Variants in GREB1 observed in about 807,000 individuals in gnomAD.
GREB1 encodes protein GREB1.
GREB1 carries 106 observed loss-of-function variants against 200.7 expected under a neutral mutation model. The observed-to-expected ratio is 0.53, with a 90% CI of 0.45 to 0.62. GREB1 has a LOEUF of 0.62. GREB1 is among the 20% of genes least tolerant of loss of function. The pLI is 0.00. For synonymous variants in GREB1, 1,132 were observed against 1,092.4 expected (o/e 1.04, Z -0.72); for missense variants, 2,243 against 2,556.8 (o/e 0.88, Z 2.65).
At chr2:11,620,826 C>G in intron 22 of GREB1, 79 bp from the exon 23 acceptor site, 1 of 783,130 alleles carries the variant, frequency 1.3e-6, no homozygotes, top group South Asian at 1.5e-5. Context: ...ATGTCAGGAG[C>G]CATGCCAGGT....
At chr2:11,599,332 CT>C (rs796915838) in intron 15 of GREB1, among the ~76,000 whole-genome samples, 4,770 of 135,108 alleles carry the variant, frequency 0.035, 225 homozygotes, top group African/African-American at 0.11. Context: ...GCCTGCCCTT[CT>C]TTTTTTTTTT....
chr2:11,615,190 C>A lies in GREB1; in HGVS notation c.3222C>A (p.Asn1074Lys). 6.2e-7 allele frequency: 1 copy of A among 1,614,064 alleles called. No individual in the cohort carries two copies. Among genetic ancestry groups the A allele is most frequent in the Non-Finnish European group, 8.5e-7 (1 of 1,179,994 alleles). ...GCCTGGCTGCCTACTTTGTGAGCAACGAGGTTCCCTTGGAGAAGGGGGCTA... is the reference window on the plus strand; with the variant it reads ...GCCTGGCTGCCTACTTTGTGAGCAAAGAGGTTCCCTTGGAGAAGGGGGCTA... ...ELGLAAYFVS[N>K]EVPLEKGARN... The change falls in exon 20 of 33, where the codon AAC (asparagine) becomes AAA (lysine). Residue 1074 changes from asparagine to lysine, a missense_variant. Asn to Lys is a moderately conservative substitution (Grantham distance 94). Transcript: ENST00000381486.
chr2:11,579,351 T>C (rs1679222382), intron 6 of GREB1, among the ~76,000 whole-genome samples: 2 of 152,240 alleles, frequency 1.3e-5, no homozygotes. Flanking sequence ...GCTGAGTGAT[T>C]TGGGGCAACT....
intron 11 of GREB1, among the ~76,000 whole-genome samples, chr2:11,595,044 C>G (rs1372804423): frequency 6.8e-6 from 1 of 147,766 alleles, no homozygotes; most frequent in Admixed American, 6.9e-5. Flanking sequence ...GTGGGACTTG[C>G]AGTAGTAGAC....
intron 14 of GREB1, 33 bp downstream of exon 14, chr2:11,598,011 G>A: frequency 2.0e-6 from 3 of 1,522,584 alleles, no homozygotes; most frequent in Non-Finnish European, 9.1e-7. Flanking sequence ...GTCACGTGTG[G>A]AGAAGCTTTG....
At chr2:11,544,130 G>A (rs1490047962) in intron 1 of GREB1, among the ~76,000 whole-genome samples, 1 of 152,140 alleles carries the variant, frequency 6.6e-6, no homozygotes, top group Non-Finnish European at 1.5e-5. Context: ...GGAGTGAAGG[G>A]ACCTCAGAGA....
At chr2:11,639,225 G>A (rs1464848978) in intron 32 of GREB1, among the ~76,000 whole-genome samples, 1 of 152,170 alleles carries the variant, frequency 6.6e-6, no homozygotes, top group Non-Finnish European at 1.5e-5. Context: ...GAGTATCTGG[G>A]ATTACAGGTG....
At chr2:11,537,318 G>A (rs921542941) in intron 1 of GREB1, among the ~76,000 whole-genome samples, 1 of 152,074 alleles carries the variant, frequency 6.6e-6, no homozygotes, top group African/African-American at 2.4e-5. Flanking sequence ...CAGGTGGCAA[G>A]CTTCATATTG....
chr2:11,523,578 T>C (rs1673775467), intron 1 of GREB1, among the ~76,000 whole-genome samples: 1 of 152,154 alleles, frequency 6.6e-6, no homozygotes, highest in Admixed American at 6.5e-5. Flanking sequence ...GACACAGAGA[T>C]CTGCAGAGCT....
intron 7 of GREB1, among the ~76,000 whole-genome samples, chr2:11,582,923 G>T (rs1324502826): frequency 6.6e-6 from 1 of 152,200 alleles, no homozygotes. Flanking sequence ...AAATGTTCTG[G>T]TAAAGGATGG....
chr2:11,541,067 C>A (rs1388329377), intron 1 of GREB1, among the ~76,000 whole-genome samples: 1 of 152,094 alleles, frequency 6.6e-6, no homozygotes, highest in Non-Finnish European at 1.5e-5. Context: ...TCAGTGATGT[C>A]TGGAATTTGG....
rs376818846 is a variant in GREB1 at position 11,629,922 on chromosome 2, G to A, written c.4450-26G>A. 4.3e-6 allele frequency: 7 copies of A among 1,611,402 alleles called. No individual in the cohort carries two copies. In the Admixed American group the frequency reaches 8.3e-5, roughly 19 times the overall value. On this transcript the variant is annotated intron_variant, in intron 25 of 32. Coordinates refer to ENST00000381486, the MANE Select transcript of GREB1 (RefSeq NM_014668.4). The surrounding 1 kb of genome is among the most constrained non-coding windows in gnomAD (Gnocchi z 5.2). Reference sequence around the variant, plus strand: ...GAAGCAGGCCGGACTCTGACGGCAAGCTCTGTCCTTTCCCCCACACCCCAG... The same window carrying A: ...GAAGCAGGCCGGACTCTGACGGCAAACTCTGTCCTTTCCCCCACACCCCAG...
chr2:11,632,131 T>A lies in GREB1; in HGVS notation c.4816+18T>A. 1 of 1,565,058 alleles carries A rather than the reference T, an allele frequency of 6.4e-7. No homozygotes were observed. The highest frequency in any genetic ancestry group is 8.8e-7 in the Non-Finnish European group (1 of 1,135,516). On this transcript the variant is annotated intron_variant, in intron 27 of 32. Coordinates refer to ENST00000381486, the MANE Select transcript of GREB1 (RefSeq NM_014668.4). Reference sequence around the variant, plus strand: ...TGGAGTTGGTGAGTGTCCTTTAACATCATCTACTCAGTCAAACTCCTGTGA... The same window carrying A: ...TGGAGTTGGTGAGTGTCCTTTAACAACATCTACTCAGTCAAACTCCTGTGA...
At chr2:11,515,641 A>C (rs957606699) in intron 1 of GREB1, among the ~76,000 whole-genome samples, 1 of 152,198 alleles carries the variant, frequency 6.6e-6, no homozygotes, top group Non-Finnish European at 1.5e-5. Context: ...CAAGGTGGTC[A>C]CAACCCCGTC....
chr2:11,562,401 T>TG, intron 2 of GREB1, 62 bp from the exon 3 acceptor site: 1 of 1,598,300 alleles, frequency 6.3e-7, no homozygotes, highest in South Asian at 1.1e-5. Context: ...GGAAAGGCCC[T>TG]GGGGGAAGCT....
intron 3 of GREB1, among the ~76,000 whole-genome samples, chr2:11,564,532 G>A (rs1572719444): frequency 6.6e-6 from 1 of 152,168 alleles, no homozygotes; most frequent in Non-Finnish European, 1.5e-5. Context: ...TAAATGTTAA[G>A]AGGTAGACTC....
intron 6 of GREB1, among the ~76,000 whole-genome samples, chr2:11,578,988 G>A (rs549773670): frequency 2.6e-5 from 4 of 152,204 alleles, no homozygotes; most frequent in Admixed American, 6.5e-5. Flanking sequence ...GAACCCTGAC[G>A]TACATGCTTG....
chr2:11,536,846 C>T (rs1257783232), intron 1 of GREB1, among the ~76,000 whole-genome samples: 1 of 152,216 alleles, frequency 6.6e-6, no homozygotes, highest in East Asian at 1.9e-4. Flanking sequence ...TGCTAATTTT[C>T]TCCTCATAAT....
intron 1 of GREB1, among the ~76,000 whole-genome samples, chr2:11,518,085 A>C (rs1033391124): frequency 6.6e-5 from 10 of 152,226 alleles, no homozygotes; most frequent in Non-Finnish European, 1.2e-4. Context: ...GCAAAGGAAT[A>C]AAGGATACAA....
Sources: gnomAD v4.1 joint callset for allele counts (sites outside exome capture counted in the v4.1 genomes callset) on GRCh38, gnomAD v4.1.1 for gene constraint, Gnocchi (gnomAD v3.1) non-coding constraint, MANE v1.5 for transcripts, NCBI Gene and HGNC (gene_info 2026-07-23, HGNC 2026-07-21) for gene names.